TTYH2: variants seen among roughly 807,000 people sequenced by gnomAD.
The protein encoded by TTYH2 is tweety family member 2.
TTYH2 carries 49 observed loss-of-function variants against 68.3 expected under a neutral mutation model. That is an observed-to-expected ratio of 0.72 (90% CI 0.57 to 0.91). The LOEUF is 0.91. Ranked by LOEUF, TTYH2 falls within the 40% of genes least tolerant of loss-of-function variation. The probability of loss-of-function intolerance (pLI) is 0.00; values close to 1 mark genes in which losing one functional copy is unlikely to be tolerated. For missense variants in TTYH2, 631 were observed against 700.4 expected (o/e 0.90, Z 1.12); for synonymous variants, 272 against 300.8 (o/e 0.90, Z 0.99).
At chr17:74,224,381 C>T (rs2050308869) in intron 2 of TTYH2, among the ~76,000 whole-genome samples, 2 of 147,920 alleles carry the variant, frequency 1.4e-5, no homozygotes, top group Admixed American at 1.4e-4. Context: ...GAGACCCTGT[C>T]TCTTACACAC....
At position 74,253,068 on chromosome 17, in the gene TTYH2, C is replaced by T. The variant is rs888246257; in HGVS notation, c.1260-13C>T. 3 of 1,613,184 alleles carry T rather than the reference C, an allele frequency of 1.9e-6. No individual in the cohort carries two copies. The highest frequency in any genetic ancestry group is 1.3e-5 in the African/African-American group (1 of 74,862). On this transcript the variant is annotated splice_polypyrimidine_tract_variant and intron_variant, in intron 11 of 13. Transcript: ENST00000269346. ...ACCCTTCACAGCCGGCCATCTTCTA[C>T]CCATTGTTCTAGAAACAGAGACTAC...
At chr17:74,233,251 A>C (rs1156815598) in intron 3 of TTYH2, among the ~76,000 whole-genome samples, 2 of 152,002 alleles carry the variant, frequency 1.3e-5, no homozygotes, top group African/African-American at 4.8e-5. Context: ...CCTTACTAGG[A>C]CCTGTGAGGC....
intron 2 of TTYH2, among the ~76,000 whole-genome samples, chr17:74,226,033 G>A (rs1051288003): frequency 6.6e-6 from 1 of 152,248 alleles, no homozygotes; most frequent in Non-Finnish European, 1.5e-5. Flanking sequence ...TTCATCTGCA[G>A]GTTTCTGGCT....
chr17:74,236,779 A>T (rs6501704), intron 3 of TTYH2, among the ~76,000 whole-genome samples: 9 of 151,884 alleles, frequency 5.9e-5, no homozygotes, highest in African/African-American at 1.9e-4. Flanking sequence ...GGACATGAGG[A>T]CTGGGTGGGT....
chr17:74,248,520 A>G, intron 6 of TTYH2: 1 of 992,862 alleles, frequency 1.0e-6, no homozygotes. Flanking sequence ...CTTTAGAAAG[A>G]GTTTGGGGGA....
At position 74,222,694 on chromosome 17, in the gene TTYH2, C is replaced by G. The variant is rs1377110677; in HGVS notation, c.302+37C>G. ...TGGACGCTGGGCTTGGGGTGTGTGA[C>G]TCAGTCTGCAAGGGGCCAGGGACTG... is the stretch of plus-strand genomic sequence containing the variant. On this transcript the variant is annotated intron_variant, in intron 2 of 13. Transcript: ENST00000269346. This position sits in a 1 kb window ranked among gnomAD's most constrained non-coding sequence, Gnocchi z 5.2. 6.3e-6 allele frequency: 10 copies of G among 1,578,140 alleles called. No homozygotes were observed. The highest frequency in any genetic ancestry group is 8.6e-6 in the Non-Finnish European group (10 of 1,163,274).
chr17:74,235,251 G>A (rs1362032504), intron 3 of TTYH2, among the ~76,000 whole-genome samples: 2 of 152,182 alleles, frequency 1.3e-5, no homozygotes, highest in Non-Finnish European at 2.9e-5. Context: ...CTCCGAGAGT[G>A]GAATCTAATC....
rs2050529565 is a variant in TTYH2 at position 74,244,020 on chromosome 17, T to A, written c.775T>A (p.Ser259Thr). 6.2e-6 allele frequency: 10 copies of A among 1,612,286 alleles called. No homozygotes were observed. Among genetic ancestry groups the A allele is most frequent in the African/African-American group, 1.3e-5 (1 of 75,028 alleles). The change falls in exon 6 of 14, where the codon TCC (serine) becomes ACC (threonine). Residue 259 changes from serine (S) to threonine (T), a missense_variant. Transcript: ENST00000269346. Reference sequence around the variant, plus strand: ...ACTGAGCCTGCTCCTCAGTTGGGCATCCCTGGCCGCTGATGGCTCTGCGGC... The same window carrying A: ...ACTGAGCCTGCTCCTCAGTTGGGCAACCCTGGCCGCTGATGGCTCTGCGGC... Reference protein sequence around the residue: ...GALSLLLSWASLAADGSAAVA... With the variant: ...GALSLLLSWATLAADGSAAVA...
At position 74,255,429 on chromosome 17, in the gene TTYH2, T is replaced by G. The variant is rs146645650; in HGVS notation, c.1524+1596T>G. Among the ~76,000 whole-genome samples the G allele has an allele frequency of 2.0e-3, 298 of 152,322 alleles. 3 individuals are homozygous for G. Among genetic ancestry groups the G allele is most frequent in the African/African-American group, 7.0e-3 (290 of 41,570 alleles). On this transcript the variant is annotated intron_variant, in intron 13 of 13. Transcript: ENST00000269346. Reference sequence around the variant, plus strand: ...CCACCTTCTCCACAGAGCTGTGGCATTTATCAATTTTATTTTATTTTTTAT... The same window carrying G: ...CCACCTTCTCCACAGAGCTGTGGCAGTTATCAATTTTATTTTATTTTTTAT...
intron 1 of TTYH2, among the ~76,000 whole-genome samples, chr17:74,216,545 G>A (rs1567808173): frequency 6.6e-6 from 1 of 152,216 alleles, no homozygotes; most frequent in African/African-American, 2.4e-5. Flanking sequence ...ACTTTCTGGG[G>A]TGTTTGGGAG....
At position 74,247,743 on chromosome 17, in the gene TTYH2, C is replaced by T. The variant is rs114284396; in HGVS notation, c.805-1268C>T. Among the ~76,000 whole-genome samples the T allele has an allele frequency of 4.6e-3, 693 of 152,300 alleles. 7 individuals carry two copies. Among genetic ancestry groups the T allele is most frequent in the African/African-American group, 0.016 (650 of 41,568 alleles). ...GGGGGCACACCACCAGGCCTGCTGG[C>T]GCCGCAGCTCTGATAGGTAATAATA... On this transcript the variant is annotated intron_variant, in intron 6 of 13. Transcript: ENST00000269346.
chr17:74,250,334 G>T lies in TTYH2; in HGVS notation c.1093G>T (p.Val365Leu). The T allele has an allele frequency of 6.2e-7, 1 of 1,613,498 alleles. No homozygotes were observed. The highest frequency in any genetic ancestry group is 8.5e-7 in the Non-Finnish European group (1 of 1,179,728). ...ESSLHQLTAM[V>L]DCRGLHKDYL... ...CAGCCTTCACCAGCTGACCGCCATG[G>T]TGGACTGCCGAGGGCTGCACAAGGT... is the stretch of plus-strand genomic sequence containing the variant. Residue 365 changes from valine to leucine, a missense_variant, in exon 10 of 14, where the codon GTG (valine) becomes TTG (leucine). Coordinates refer to ENST00000269346, the MANE Select transcript of TTYH2 (RefSeq NM_032646.6).
intron 2 of TTYH2, among the ~76,000 whole-genome samples, chr17:74,225,433 G>A (rs577616389): frequency 6.6e-6 from 1 of 152,310 alleles, no homozygotes; most frequent in East Asian, 1.9e-4. Flanking sequence ...AGCCAGGGGA[G>A]CCACTGCAGG....
Position 74,244,066 on chromosome 17 carries a change from A to AGTGGGTG in TTYH2, c.804+29_804+35dup. The AGTGGGTG allele has an allele frequency of 6.2e-7, 1 of 1,604,748 alleles. No homozygotes were observed. Among genetic ancestry groups the AGTGGGTG allele is most frequent in the Non-Finnish European group, 8.5e-7 (1 of 1,176,708 alleles). ...GCGGCAGTGGTGAGTTGGGGGAGGG[A>AGTGGGTG]GTGGGTGGTGGGTGGTGGTTGGTCT... On this transcript the variant is annotated intron_variant, in intron 6 of 13. Coordinates refer to ENST00000269346, the MANE Select transcript of TTYH2 (RefSeq NM_032646.6).
At position 74,249,384 on chromosome 17, in the gene TTYH2, C is replaced by T. The variant is rs1290868747; in HGVS notation, c.915C>T (p.Ser305=). The change falls in exon 8 of 14, where the codon AGC becomes AGT. Residue 305 remains serine, a synonymous_variant. Transcript: ENST00000269346. ...ACCTGTATTGCAGCCAGAGTGGAAG[C>T]AGCCCCTTCCAGCAGGTATGGCCCC... is the stretch of plus-strand genomic sequence containing the variant. ...RYYLYCSQSG[S]SPFQQTLTTF... is the part of the protein sequence containing the mutation. 1.2e-6 allele frequency: 2 copies of T among 1,613,938 alleles called. No homozygotes were observed. The highest frequency in any genetic ancestry group is 1.7e-6 in the Non-Finnish European group (2 of 1,180,036).
At position 74,215,730 on chromosome 17, in the gene TTYH2, G is replaced by T. The variant is rs1479113433; in HGVS notation, c.129+2014G>T. On this transcript the variant is annotated intron_variant, in intron 1 of 13. Coordinates refer to ENST00000269346, the MANE Select transcript of TTYH2 (RefSeq NM_032646.6). The surrounding 1 kb of genome is among the most constrained non-coding windows in gnomAD (Gnocchi z 4.3). ...TGTTTTTGGTAAGTTCCCCTGTTGT[G>T]ACCACAGGTCTCTCCTGGATGTCTT... 6.5e-7 allele frequency: 1 copy of T among 1,533,188 alleles called. No homozygotes were observed. Among genetic ancestry groups the T allele is most frequent in the Non-Finnish European group, 8.7e-7 (1 of 1,144,628 alleles). 95.0% of individuals were successfully genotyped at this position (1,533,188 alleles called of 1,614,324 possible).
intron 13 of TTYH2, among the ~76,000 whole-genome samples, chr17:74,257,892 GC>G (rs1420723056): frequency 1.3e-5 from 2 of 152,058 alleles, no homozygotes; most frequent in Non-Finnish European, 2.9e-5. Context: ...CATGCCTCAT[GC>G]CTGTAATCCC....
chr17:74,217,575 G>A lies in TTYH2; in HGVS notation c.129+3859G>A, dbSNP rs1019145624. On this transcript the variant is annotated intron_variant, in intron 1 of 13. Transcript: ENST00000269346. The surrounding 1 kb of genome is among the most constrained non-coding windows in gnomAD (Gnocchi z 4.0). ...TTCATCCAGTGTGAAATTGAGTCAC[G>A]GTCATCAGACAGTCATGCCGCGCCT... 6.6e-6 allele frequency among the ~76,000 whole-genome samples: 1 copy of A among 152,172 alleles called. No homozygotes were observed. Among genetic ancestry groups the A allele is most frequent in the Admixed American group, 6.5e-5 (1 of 15,278 alleles).
chr17:74,250,198 G>C (rs1237291222), intron 9 of TTYH2, 67 bp from the exon 10 acceptor site: 1 of 1,525,024 alleles, frequency 6.6e-7, no homozygotes, highest in African/African-American at 1.4e-5. Flanking sequence ...CACAGCTGCT[G>C]TGGTGGTTTT....
Sources: allele counts gnomAD v4.1 joint callset (sites outside exome capture counted in the v4.1 genomes callset), GRCh38; gene constraint gnomAD v4.1.1; non-coding constraint Gnocchi (gnomAD v3.1); transcripts MANE v1.5; gene names NCBI Gene and HGNC (gene_info 2026-07-23, HGNC 2026-07-21).